Variants in GALNTL6 observed in about 807,000 individuals in gnomAD.
The protein encoded by GALNTL6 is polypeptide N-acetylgalactosaminyltransferase-like 6.
Under a neutral mutation model 73.7 loss-of-function variants are expected in GALNTL6, and 46 were observed. The ratio of observed to expected loss-of-function variants is 0.62; its 90% CI spans 0.49 to 0.80. GALNTL6 has a LOEUF of 0.80. GALNTL6 is among the 30% of genes least tolerant of loss of function. The pLI is 0.00. For missense variants in GALNTL6, 604 were observed against 755.0 expected (o/e 0.80, Z 2.34); for synonymous variants, 259 against 263.7 (o/e 0.98, Z 0.17).
chr4:172,336,275 G>GTTTTTTTTTTTT (rs200566896), intron 4 of GALNTL6, among the ~76,000 whole-genome samples: 8 of 126,028 alleles, frequency 6.3e-5, no homozygotes, highest in African/African-American at 2.4e-4. Flanking sequence ...GTTTTGTTTT[G>GTTTTTTTTTTTT]TTTTTTTTTT....
intron 5 of GALNTL6, among the ~76,000 whole-genome samples, chr4:172,443,971 C>T (rs1731929916): frequency 6.6e-6 from 1 of 152,094 alleles, no homozygotes; most frequent in Non-Finnish European, 1.5e-5. Context: ...GATAAATCAC[C>T]TTGGTGGCTA....
At chr4:172,054,343 ATACT>A (rs1730959788) in intron 2 of GALNTL6, among the ~76,000 whole-genome samples, 1 of 152,192 alleles carries the variant, frequency 6.6e-6, no homozygotes, top group Non-Finnish European at 1.5e-5. Context: ...TATATTTTAC[ATACT>A]TTATTTACAT....
intron 2 of GALNTL6, among the ~76,000 whole-genome samples, chr4:172,027,756 A>T (rs1012654343): frequency 1.3e-5 from 2 of 152,146 alleles, no homozygotes; most frequent in African/African-American, 4.8e-5. Flanking sequence ...TGCAAAGGAA[A>T]AGTTATTGAA....
chr4:172,606,675 AC>A (rs368831086), intron 5 of GALNTL6, among the ~76,000 whole-genome samples: 5 of 38,784 alleles, frequency 1.3e-4, no homozygotes, highest in African/African-American at 1.6e-4. Flanking sequence ...ATATATATAT[AC>A]TATATATATA....
At chr4:172,292,994 G>T (rs1308847894) in intron 3 of GALNTL6, among the ~76,000 whole-genome samples, 2 of 152,168 alleles carry the variant, frequency 1.3e-5, no homozygotes, top group Non-Finnish European at 2.9e-5. Flanking sequence ...TTATACTTCA[G>T]TGGGCAGGTT....
chr4:173,008,773 C>A (rs915653161), intron 10 of GALNTL6, among the ~76,000 whole-genome samples: 1 of 152,204 alleles, frequency 6.6e-6, no homozygotes, highest in African/African-American at 2.4e-5. Flanking sequence ...CTGCAGTCAG[C>A]TGTTCCACTG....
intron 5 of GALNTL6, among the ~76,000 whole-genome samples, chr4:172,671,728 T>C (rs1295882705): frequency 6.6e-6 from 1 of 152,188 alleles, no homozygotes. Context: ...ATCCTCATCT[T>C]GTGCTGGTTT....
rs548463273 is a variant in GALNTL6 at position 172,425,338 on chromosome 4, A to G, written c.553+76649A>G. ...TAAAGTTCAACATAGTGAGTAACTT[A>G]AAAGTCATAAATTTCTTCCCACATG... On this transcript the variant is annotated intron_variant, in intron 5 of 12. Coordinates refer to ENST00000506823, the MANE Select transcript of GALNTL6 (RefSeq NM_001034845.3). 5 of 152,276 alleles carry G rather than the reference A, an allele frequency of 3.3e-5. 1 individual carries two copies. The South Asian group carries it at 1.0e-3, about 32-fold the overall frequency. 9.4% of individuals were successfully genotyped at this position (152,276 alleles called of 1,614,324 possible). A position where few individuals can be genotyped will look rare whatever the true frequency, so the allele number is the denominator to read the frequency against.
At chr4:172,206,814 GTTTGTTTT>G (rs2082511360) in intron 2 of GALNTL6, among the ~76,000 whole-genome samples, 6 of 57,964 alleles carry the variant, frequency 1.0e-4, no homozygotes, top group East Asian at 1.6e-3. Flanking sequence ...TGTTTTTTTT[GTTTGTTTT>G]TTTTTTTTTT....
chr4:172,989,491 G>T (rs962450749), intron 10 of GALNTL6, among the ~76,000 whole-genome samples: 1 of 152,176 alleles, frequency 6.6e-6, no homozygotes, highest in Admixed American at 6.5e-5. Flanking sequence ...GTTTGGATTT[G>T]TGTCCCCACC....
chr4:172,417,648 CA>C (rs199797421), intron 5 of GALNTL6, among the ~76,000 whole-genome samples: 1 of 150,824 alleles, frequency 6.6e-6, no homozygotes. Context: ...GACCCTGTCT[CA>C]AAAAAAATAA....
At chr4:172,934,464 A>T (rs1238174670) in intron 9 of GALNTL6, among the ~76,000 whole-genome samples, 4 of 152,212 alleles carry the variant, frequency 2.6e-5, no homozygotes, top group Non-Finnish European at 5.9e-5. Context: ...AATTTTTGTT[A>T]GTGCCCTTAT....
intron 5 of GALNTL6, among the ~76,000 whole-genome samples, chr4:172,416,953 G>C (rs1031936571): frequency 1.3e-5 from 2 of 152,012 alleles, no homozygotes; most frequent in Admixed American, 6.6e-5. Context: ...TACCATAAAG[G>C]TTTCAGTCCA....
At chr4:172,928,306 G>C (rs1748165235) in intron 8 of GALNTL6, among the ~76,000 whole-genome samples, 1 of 152,156 alleles carries the variant, frequency 6.6e-6, no homozygotes, top group Non-Finnish European at 1.5e-5. Context: ...TCTCAGTTCT[G>C]GAAGTGGCCA....
chr4:172,870,070 A>G (rs1351210137), intron 7 of GALNTL6, among the ~76,000 whole-genome samples: 1 of 145,240 alleles, frequency 6.9e-6, no homozygotes, highest in African/African-American at 2.6e-5. Context: ...CATCATCATC[A>G]TCATCATCAT....
At position 171,988,336 on chromosome 4, in the gene GALNTL6, A is replaced by G. The variant is rs1212344533; in HGVS notation, c.138+173618A>G. Among the ~76,000 whole-genome samples the G allele has an allele frequency of 5.3e-5, 8 of 152,198 alleles. No homozygotes were observed. In the East Asian group the frequency reaches 1.5e-3, roughly 29 times the overall value. ...GTTTTTATGAGAATTATGCCAAGATACGTAACAGATGTGGATGAAATTTGG... is the reference window on the plus strand; with the variant it reads ...GTTTTTATGAGAATTATGCCAAGATGCGTAACAGATGTGGATGAAATTTGG... On this transcript the variant is annotated intron_variant, in intron 2 of 12. Coordinates refer to ENST00000506823, the MANE Select transcript of GALNTL6 (RefSeq NM_001034845.3).
At chr4:172,206,810 TTTTGTTTG>T (rs1236416631) in intron 2 of GALNTL6, among the ~76,000 whole-genome samples, 1,842 of 33,734 alleles carry the variant, frequency 0.055, 366 homozygotes, top group East Asian at 0.24. Flanking sequence ...TTTCTGTTTT[TTTTGTTTG>T]TTTTTTTTTT....
intron 2 of GALNTL6, among the ~76,000 whole-genome samples, chr4:172,136,703 G>A (rs1733646658): frequency 6.6e-6 from 1 of 151,420 alleles, no homozygotes; most frequent in South Asian, 2.1e-4. Flanking sequence ...TGATCATATA[G>A]AATACTTGCA....
chr4:172,345,885 T>C (rs779276298), intron 4 of GALNTL6, among the ~76,000 whole-genome samples: 7 of 152,210 alleles, frequency 4.6e-5, no homozygotes, highest in Non-Finnish European at 5.9e-5. Flanking sequence ...GCTAGGAAAC[T>C]ATGGGAGACA....
Sources: allele counts gnomAD v4.1 joint callset (sites outside exome capture counted in the v4.1 genomes callset), GRCh38; gene constraint gnomAD v4.1.1; transcripts MANE v1.5; gene names NCBI Gene and HGNC (gene_info 2026-07-23, HGNC 2026-07-21).